GARIN5A: variants seen among roughly 807,000 people sequenced by gnomAD.
GARIN5A encodes the protein golgi associated RAB2 interactor 5A, also known as Golgi-associated RAB2 interactor protein 5A.
chr19:50,476,620 C>G, the GARIN5A span: 5 of 1,555,320 alleles, frequency 3.2e-6, no homozygotes, highest in Non-Finnish European at 4.3e-6. Context: ...CAGTCGAGCC[C>G]GGGGCAGCGG....
At chr19:50,472,142 G>GTGTGTATATGTATA in the GARIN5A span, among the ~76,000 whole-genome samples, 19,664 of 106,348 alleles carry the variant, frequency 0.18, 3,000 homozygotes, top group South Asian at 0.25. Context: ...GTATATGTAT[G>GTGTGTATATGTATA]TATACGTGTG....
chr19:50,474,704 C>T, the GARIN5A span, among the ~76,000 whole-genome samples: 6 of 151,918 alleles, frequency 3.9e-5, no homozygotes, highest in Non-Finnish European at 8.8e-5. Context: ...CCAGACCGGT[C>T]TCAAATTCCT....
the GARIN5A span, chr19:50,475,490 A>C: frequency 2.1e-5 from 33 of 1,572,698 alleles, no homozygotes; most frequent in Admixed American, 5.7e-4. Context: ...GGCAGGATAG[A>C]TGTCGGGGCA....
chr19:50,468,893 C>T, the GARIN5A span, among the ~76,000 whole-genome samples: 1 of 152,168 alleles, frequency 6.6e-6, no homozygotes, highest in African/African-American at 2.4e-5. Context: ...AGCCACCTCA[C>T]TTTGCCTGCC....
chr19:50,472,348 C>A, the GARIN5A span, among the ~76,000 whole-genome samples: 214 of 150,276 alleles, frequency 1.4e-3, no homozygotes, highest in African/African-American at 5.2e-3. Flanking sequence ...TCAGAAACTG[C>A]CCCAGAATAG....
the GARIN5A span, among the ~76,000 whole-genome samples, chr19:50,471,783 T>C: frequency 2.7e-5 from 4 of 147,746 alleles, no homozygotes; most frequent in African/African-American, 7.8e-5. Context: ...CCTGTGTGTA[T>C]ACGCATACAT....
At chr19:50,467,614 T>G in the GARIN5A span, 1 of 1,553,776 alleles carries the variant, frequency 6.4e-7, no homozygotes, top group Non-Finnish European at 8.7e-7. Context: ...ATCTACATCC[T>G]CCAGCACCTC....
At chr19:50,472,210 ATGTG>A in the GARIN5A span, among the ~76,000 whole-genome samples, 5 of 131,034 alleles carry the variant, frequency 3.8e-5, no homozygotes, top group South Asian at 7.1e-4. Context: ...ATGTATATAC[ATGTG>A]TGTATGTATA....
chr19:50,471,941 A>T, the GARIN5A span, among the ~76,000 whole-genome samples: 1 of 135,060 alleles, frequency 7.4e-6, no homozygotes, highest in East Asian at 2.5e-4. Flanking sequence ...TATGTGTGTA[A>T]GTATATATAC....
At chr19:50,469,820 C>A in the GARIN5A span, among the ~76,000 whole-genome samples, 1 of 152,146 alleles carries the variant, frequency 6.6e-6, no homozygotes, top group South Asian at 2.1e-4. Flanking sequence ...GACACATATG[C>A]GCGGATGTCC....
the GARIN5A span, chr19:50,476,808 G>T: frequency 5.3e-6 from 3 of 562,010 alleles, no homozygotes; most frequent in African/African-American, 4.0e-5. Context: ...AGTCACGCAC[G>T]CGCAGGAGGG....
the GARIN5A span, chr19:50,467,728 C>T: frequency 6.2e-6 from 10 of 1,604,024 alleles, no homozygotes; most frequent in East Asian, 2.3e-5. Context: ...GAGTGGGGCC[C>T]GCAGCTGCAA....
the GARIN5A span, chr19:50,467,688 C>T: frequency 6.3e-7 from 1 of 1,591,306 alleles, no homozygotes; most frequent in South Asian, 1.1e-5. Context: ...GCAGCCGCAC[C>T]CACTGGCCGA....
chr19:50,476,229 G>A, the GARIN5A span: 2 of 1,613,620 alleles, frequency 1.2e-6, no homozygotes, highest in East Asian at 2.2e-5. Flanking sequence ...GGGAGCGGAC[G>A]GAGGAGCAGA....
the GARIN5A span, chr19:50,475,823 G>T: frequency 6.2e-7 from 1 of 1,601,330 alleles, no homozygotes; most frequent in Non-Finnish European, 8.6e-7. Flanking sequence ...GGGGTTCTGG[G>T]GCTCCCTACC....
At chr19:50,475,943 G>A in the GARIN5A span, 2 of 1,612,140 alleles carry the variant, frequency 1.2e-6, no homozygotes, top group Non-Finnish European at 1.7e-6. Flanking sequence ...GCTGCAACCA[G>A]GAGGCATTTT....
chr19:50,472,120 A>ATG, the GARIN5A span, among the ~76,000 whole-genome samples: 231 of 150,892 alleles, frequency 1.5e-3, 43 homozygotes, highest in African/African-American at 5.4e-3. Flanking sequence ...GTGTATATGT[A>ATG]TATATACGTG....
chr19:50,475,981 T>C, the GARIN5A span: 12 of 1,604,530 alleles, frequency 7.5e-6, no homozygotes, highest in South Asian at 1.1e-4. Context: ...GGGTCGATCC[T>C]GGGAGGCTGT....
chr19:50,476,333 G>A, the GARIN5A span: 11 of 1,587,310 alleles, frequency 6.9e-6, no homozygotes, highest in African/African-American at 2.7e-5. Flanking sequence ...CCTGATTTGT[G>A]ATGACGTCCC....
Sources: gnomAD v4.1 joint callset for allele counts (sites outside exome capture counted in the v4.1 genomes callset) on GRCh38, gnomAD v4.1.1 for gene constraint, MANE v1.5 for transcripts, NCBI Gene and HGNC (gene_info 2026-07-23, HGNC 2026-07-21) for gene names.